PCSK2: variants seen among roughly 807,000 people sequenced by gnomAD.
The protein encoded by PCSK2 is proprotein convertase subtilisin/kexin type 2.
Under a neutral mutation model 69.7 loss-of-function variants are expected in PCSK2, and 14 were observed. That is an observed-to-expected ratio of 0.20 (90% CI 0.13 to 0.31). The LOEUF is 0.31. PCSK2 is among the 10% of genes least tolerant of loss of function. The probability of loss-of-function intolerance (pLI) is 1.00; values close to 1 mark genes in which losing one functional copy is unlikely to be tolerated. For synonymous variants in PCSK2, 307 were observed against 320.7 expected, an observed-to-expected ratio of 0.96 and a Z score of 0.46; for missense variants, 544 against 842.5, an observed-to-expected ratio of 0.65 and a Z score of 4.39.
At chr20:17,411,514 A>G (rs1232566958) in intron 6 of PCSK2, among the ~76,000 whole-genome samples, 1 of 152,212 alleles carries the variant, frequency 6.6e-6, no homozygotes, top group Non-Finnish European at 1.5e-5. Context: ...AGCGGCCAGG[A>G]AGCTCAGACT....
chr20:17,279,420 G>A (rs145613631), intron 2 of PCSK2, among the ~76,000 whole-genome samples: 5 of 152,138 alleles, frequency 3.3e-5, no homozygotes, highest in East Asian at 1.9e-4. Context: ...AGTGAAACTC[G>A]TTTCTCTTAT....
intron 5 of PCSK2, among the ~76,000 whole-genome samples, chr20:17,375,587 C>A (rs2030900801): frequency 6.6e-6 from 1 of 152,158 alleles, no homozygotes; most frequent in South Asian, 2.1e-4. Context: ...TATAAGGTAG[C>A]AACTACCCCA....
intron 11 of PCSK2, among the ~76,000 whole-genome samples, chr20:17,480,184 C>CTTTTTTTTTT (rs1164266992): frequency 1.7e-4 from 13 of 76,994 alleles, no homozygotes; most frequent in African/African-American, 4.1e-4. Context: ...TTCAGCTTTT[C>CTTTTTTTTTT]TTTTTTTTTT....
chr20:17,297,855 C>T (rs906587792), intron 2 of PCSK2, among the ~76,000 whole-genome samples: 3 of 152,080 alleles, frequency 2.0e-5, no homozygotes, highest in African/African-American at 2.4e-5. Flanking sequence ...TATTTTTAAG[C>T]TAATTTTTTA....
In PCSK2 at chr20:17,482,110, C is replaced by G. The variant is rs751488932; in HGVS notation, c.*40C>G. 1 of 1,519,192 alleles carries G rather than the reference C, an allele frequency of 6.6e-7. No individual in the cohort carries two copies. Among genetic ancestry groups the G allele is most frequent in the Admixed American group, 2.1e-5 (1 of 48,626 alleles). 94.1% of individuals were successfully genotyped at this position (1,519,192 alleles called of 1,614,324 possible). A position where few individuals can be genotyped will look rare whatever the true frequency, so the allele number is the denominator to read the frequency against. On this transcript the variant is annotated 3_prime_UTR_variant, in exon 12 of 12. Coordinates refer to ENST00000262545, the MANE Select transcript of PCSK2 (RefSeq NM_002594.5). ...CTTTCCCACCGCCCTCCCTCCCCAG[C>G]TCCGCCTCTGTCCTCGCTCCACGTT...
chr20:17,276,966 C>A (rs2123036593), intron 2 of PCSK2, among the ~76,000 whole-genome samples: 1 of 152,226 alleles, frequency 6.6e-6, no homozygotes, highest in African/African-American at 2.4e-5. Context: ...CTCCCATTCA[C>A]AATTGCTTCA....
intron 2 of PCSK2, among the ~76,000 whole-genome samples, chr20:17,347,833 A>G (rs1189598032): frequency 6.9e-6 from 1 of 144,462 alleles, no homozygotes; most frequent in African/African-American, 2.6e-5. Context: ...AGAAAGAAAG[A>G]AAGAAAGAAA....
intron 3 of PCSK2, among the ~76,000 whole-genome samples, chr20:17,360,108 T>C (rs188467551): frequency 6.6e-6 from 1 of 152,308 alleles, no homozygotes; most frequent in Non-Finnish European, 1.5e-5. Context: ...TAGTAAGAAG[T>C]TATATTCAAA....
chr20:17,415,550 G>T (rs2031980229), intron 6 of PCSK2, among the ~76,000 whole-genome samples: 1 of 152,084 alleles, frequency 6.6e-6, no homozygotes, highest in Non-Finnish European at 1.5e-5. Context: ...ACAAATGGAA[G>T]AACATTCCAT....
rs538442722 is a variant in PCSK2, at chr20:17,444,679, T to C, written c.885+7796T>C. On this transcript the variant is annotated intron_variant, in intron 8 of 11. Coordinates refer to ENST00000262545, the MANE Select transcript of PCSK2 (RefSeq NM_002594.5). Reference sequence around the variant, plus strand: ...GGGAAGGTGAAGAGAATACCAGTGATGAATGGGAGGTGTGGCAGGAAAGAG... The same window carrying C: ...GGGAAGGTGAAGAGAATACCAGTGACGAATGGGAGGTGTGGCAGGAAAGAG... 9.2e-5 allele frequency among the ~76,000 whole-genome samples: 14 copies of C among 152,286 alleles called. No individual in the cohort carries two copies. The East Asian group carries it at 2.3e-3, about 25-fold the overall frequency.
chr20:17,404,784 G>A (rs6105751), intron 5 of PCSK2, among the ~76,000 whole-genome samples: 91,624 of 152,124 alleles, frequency 0.6, 28,846 homozygotes, highest in South Asian at 0.75. Context: ...AAGAGGCCTC[G>A]GACATTGGTC....
intron 1 of PCSK2, among the ~76,000 whole-genome samples, chr20:17,228,725 C>G (rs1055977565): frequency 9.9e-5 from 15 of 152,204 alleles, no homozygotes; most frequent in Admixed American, 7.2e-4. Flanking sequence ...CTCTCCCAGC[C>G]ACCGCCAGGG....
rs2033267168 is a variant in PCSK2, at chr20:17,474,980, C to A, written c.1431-6604C>A. 2.0e-5 allele frequency among the ~76,000 whole-genome samples: 3 copies of A among 151,896 alleles called. No individual in the cohort carries two copies. In the South Asian group the frequency reaches 6.3e-4, roughly 32 times the overall value. On this transcript the variant is annotated intron_variant, in intron 11 of 11. Transcript: ENST00000262545. ...TGCTCTTCTCCAGAGACAGATAACA[C>A]CTGTTTTAGGTTGGGTTGCTCGGAA...
chr20:17,279,146 T>C (rs1190630730), intron 2 of PCSK2, among the ~76,000 whole-genome samples: 1 of 152,198 alleles, frequency 6.6e-6, no homozygotes, highest in Non-Finnish European at 1.5e-5. Flanking sequence ...TCATTTCCCT[T>C]TCTCAGATTA....
At chr20:17,236,220 T>G (rs1986332274) in intron 1 of PCSK2, among the ~76,000 whole-genome samples, 1 of 152,068 alleles carries the variant, frequency 6.6e-6, no homozygotes, top group African/African-American at 2.4e-5. Flanking sequence ...ATTATAAAAT[T>G]TAACAGAAGA....
intron 11 of PCSK2, among the ~76,000 whole-genome samples, chr20:17,467,577 C>G (rs141758123): frequency 6.6e-6 from 1 of 152,066 alleles, no homozygotes; most frequent in Admixed American, 6.6e-5. Context: ...TGCTTTGTGG[C>G]CTGCATTCAT....
chr20:17,479,042 C>T, intron 11 of PCSK2: 1 of 1,099,902 alleles, frequency 9.1e-7, no homozygotes, highest in African/African-American at 1.6e-5. Context: ...GATACACTGA[C>T]AAATTCTTAA....
chr20:17,249,745 A>C (rs1010558581), intron 1 of PCSK2, among the ~76,000 whole-genome samples: 25 of 152,190 alleles, frequency 1.6e-4, no homozygotes, highest in African/African-American at 5.8e-4. Flanking sequence ...GGCAGGCACC[A>C]ACAGTCAAAT....
At chr20:17,422,037 C>T (rs759898453) in intron 6 of PCSK2, among the ~76,000 whole-genome samples, 13 of 152,034 alleles carry the variant, frequency 8.6e-5, no homozygotes, top group Non-Finnish European at 1.9e-4. Context: ...GGGTGACATA[C>T]ATTTTAAAGA....
Sources: allele counts gnomAD v4.1 joint callset (sites outside exome capture counted in the v4.1 genomes callset), GRCh38; gene constraint gnomAD v4.1.1; transcripts MANE v1.5; gene names NCBI Gene and HGNC (gene_info 2026-07-23, HGNC 2026-07-21).